Variants in PLIN2 observed in about 807,000 individuals in gnomAD.
The protein encoded by PLIN2 is perilipin-2.
Under a neutral mutation model 30.6 loss-of-function variants are expected in PLIN2, and 33 were observed. The ratio of observed to expected loss-of-function variants is 1.08; its 90% confidence interval spans 0.82 to 1.44. The LOEUF (loss-of-function observed/expected upper bound fraction) is 1.44. PLIN2 is among the 40% of genes most tolerant of loss of function. The pLI, the probability that PLIN2 is intolerant of heterozygous loss-of-function variation, is 0.00. For missense variants in PLIN2, 610 were observed against 531.8 expected (o/e 1.15, Z -1.45); for synonymous variants, 205 against 201.1 (o/e 1.02, Z -0.16).
chr9:19,120,745 A>C lies in PLIN2; in HGVS notation c.595+135T>G, dbSNP rs1354395918. ...GCATGAGGATCTTTTGGGGTAGCAG[A>C]AGTGTTCTGAAACTGGATTGCAGTG... is the stretch of plus-strand genomic sequence containing the variant. On this transcript the variant is annotated intron_variant, in intron 5 of 7. Transcript: ENST00000276914. 10 of 671,692 alleles carry C rather than the reference A, an allele frequency of 1.5e-5. No individual in the cohort carries two copies. In the East Asian group the frequency reaches 2.1e-4, roughly 14 times the overall value. The allele number at this position is 671,692 out of a possible 1,614,324, so 41.6% of individuals were successfully genotyped here.
Position 19,120,878 on chromosome 9 carries a change from A to C in PLIN2, c.595+2T>G, listed in dbSNP as rs200733060. The stretch of plus-strand genomic sequence containing the variant: ...AGTATTTCAAGATAAAATTCCAGTT[A>C]CCTAGTTCTTCCTCAGTGAGAGGGA... On this transcript the variant is annotated splice_donor_variant, in intron 5 of 7. Transcript: ENST00000276914. LOFTEE classifies it high-confidence loss of function. The C allele has an allele frequency of 8.1e-6, 13 of 1,610,314 alleles. No homozygotes were observed. Among genetic ancestry groups the C allele is most frequent in the Middle Eastern group, 3.3e-4 (2 of 6,056 alleles).
Position 19,118,324 on chromosome 9 carries a change from A to C in PLIN2, c.909T>G (p.Ala303=). ...GYDDTDESHC[A]EHIESRTLAI... ...ATGACCGTCCCAGTCATCTTACCTC[A>C]GCACAGTGGGACTCATCAGTATCAT... Residue 303 remains alanine (A), a synonymous_variant, in exon 7 of 8, where the codon GCT becomes GCG. Coordinates refer to ENST00000276914, the MANE Select transcript of PLIN2 (RefSeq NM_001122.4). 1 of 1,606,304 alleles carries C rather than the reference A, an allele frequency of 6.2e-7. No individual in the cohort carries two copies. The highest frequency in any genetic ancestry group is 8.5e-7 in the Non-Finnish European group (1 of 1,177,428).
intron 2 of PLIN2, among the ~76,000 whole-genome samples, chr9:19,109,150 A>G (rs1818127010): frequency 6.6e-6 from 1 of 152,200 alleles, no homozygotes; most frequent in Admixed American, 6.6e-5. Flanking sequence ...ACAAAACCCT[A>G]CCTCTTCCCT....
downstream of PLIN2, among the ~76,000 whole-genome samples, chr9:19,113,512 C>G (rs1198187846): frequency 6.6e-6 from 1 of 151,944 alleles, no homozygotes; most frequent in African/African-American, 2.4e-5. Context: ...TACTCTCCAA[C>G]TCAACTCACC....
chr9:19,120,961 C>T lies in PLIN2; in HGVS notation c.514G>A (p.Val172Met), dbSNP rs373976784. The change falls in exon 5 of 8, where the codon GTG becomes ATG. Residue 172 changes from valine (V) to methionine (M), a missense_variant. Val to Met is a conservative substitution (Grantham distance 21). Coordinates refer to ENST00000276914, the MANE Select transcript of PLIN2 (RefSeq NM_001122.4). The stretch of plus-strand genomic sequence containing the variant: ...AGTGCATTTTCTACGCCACTGCTCA[C>T]GAGCTGCATCATCCGACTCCCCAAG... The part of the protein sequence containing the change: ...TVLGSRMMQL[V>M]SSGVENALTK... 14 of 1,614,046 alleles carry T rather than the reference C, an allele frequency of 8.7e-6. No individual in the cohort carries two copies. Among genetic ancestry groups the T allele is most frequent in the South Asian group, 3.3e-5 (3 of 91,084 alleles).
intron 6 of PLIN2, among the ~76,000 whole-genome samples, chr9:19,119,448 G>A (rs565781117): frequency 6.6e-6 from 1 of 152,318 alleles, no homozygotes; most frequent in Non-Finnish European, 1.5e-5. Flanking sequence ...TGACCCCTCA[G>A]AGCGAGATTA....
In PLIN2 at chr9:19,116,572, G is replaced by A. The variant is rs1818230086; in HGVS notation, c.990C>T (p.Ser330=). 6.2e-7 allele frequency: 1 copy of A among 1,614,158 alleles called. No homozygotes were observed. The highest frequency in any genetic ancestry group is 1.1e-5 in the South Asian group (1 of 91,084). The change falls in exon 8 of 8, where the codon TCC becomes TCT. Residue 330 remains serine (S), a synonymous_variant. Coordinates refer to ENST00000276914, the MANE Select transcript of PLIN2 (RefSeq NM_001122.4). ...TGTTCTGTGGTACACCTTGGATGTT[G>A]GACAGGAGGGTGTGGCACGTGGTCT... The part of the protein sequence containing the change: ...QLQTTCHTLL[S]NIQGVPQNIQ...
chr9:19,120,642 C>T (rs887786525), intron 5 of PLIN2, among the ~76,000 whole-genome samples: 1 of 151,928 alleles, frequency 6.6e-6, no homozygotes, highest in African/African-American at 2.4e-5. Flanking sequence ...CCCAGGAGTT[C>T]GAGATCAGCC....
chr9:19,110,642 ATTTTTGTATT>A (rs1818148973), intron 2 of PLIN2, among the ~76,000 whole-genome samples: 1 of 150,996 alleles, frequency 6.6e-6, no homozygotes, highest in Non-Finnish European at 1.5e-5. Flanking sequence ...CACCCGGCTA[ATTTTTGTATT>A]TTTAGTAGAG....
chr9:19,111,776 C>T (rs139585986), downstream of PLIN2, among the ~76,000 whole-genome samples: 2 of 152,158 alleles, frequency 1.3e-5, no homozygotes, highest in East Asian at 3.9e-4. Flanking sequence ...CAAATTTTAG[C>T]TTTTTCCTTT....
Position 19,121,040 on chromosome 9 carries a change from C to G in PLIN2, c.435G>C (p.Val145=). The change falls in exon 5 of 8, where the codon GTG becomes GTC. Residue 145 remains valine, a synonymous_variant. Coordinates refer to ENST00000276914, the MANE Select transcript of PLIN2 (RefSeq NM_001122.4). ...TGVMDKTKGA[V]TGSVEKTKSV... The stretch of plus-strand genomic sequence containing the variant: ...ACTTGGTCTTCTCCACACTGCCAGT[C>G]ACTGCCCCTTTGGTCTTGTCCATCA... 6.2e-7 allele frequency: 1 copy of G among 1,614,232 alleles called. No homozygotes were observed. Among genetic ancestry groups the G allele is most frequent in the Non-Finnish European group, 8.5e-7 (1 of 1,180,048 alleles).
At chr9:19,113,897 C>G (rs1818188480), downstream of PLIN2, among the ~76,000 whole-genome samples, 1 of 151,928 alleles carries the variant, frequency 6.6e-6, no homozygotes, top group East Asian at 1.9e-4. Context: ...GCCTCAGCCT[C>G]CCGAGGAGCT....
rs556537015 is a variant in PLIN2, at chr9:19,124,891, TAA to T, written c.226+1221_226+1222del. 2.7e-3 allele frequency among the ~76,000 whole-genome samples: 412 copies of T among 152,236 alleles called. 1 individual carries two copies. The highest frequency in any genetic ancestry group is 8.7e-3 in the African/African-American group (362 of 41,558). ...TAGACAGTAAATTACTATTCAACAATAAAAAGAGATGAAGTACTGATATGATG... is the reference window on the plus strand; with the variant it reads ...TAGACAGTAAATTACTATTCAACAATAAAGAGATGAAGTACTGATATGATG... On this transcript the variant is annotated intron_variant, in intron 3 of 7. Transcript: ENST00000276914.
intron 2 of PLIN2, among the ~76,000 whole-genome samples, chr9:19,110,346 G>C (rs1032076503): frequency 2.0e-5 from 3 of 152,016 alleles, no homozygotes; most frequent in Non-Finnish European, 4.4e-5. Flanking sequence ...TTGTTTAATA[G>C]GTACAGAATT....
chr9:19,116,289 T>G lies in PLIN2; in HGVS notation c.1273A>C (p.Ser425Arg), dbSNP rs1333694963. 2 of 1,610,448 alleles carry G rather than the reference T, an allele frequency of 1.2e-6. No individual in the cohort carries two copies. Among genetic ancestry groups the G allele is most frequent in the African/African-American group, 2.7e-5 (2 of 74,826 alleles). Residue 425 changes from serine to arginine, a missense_variant, in exon 8 of 8, where the codon AGC becomes CGC. Physicochemically the swap from Ser to Arg is moderately radical, Grantham distance 110. Coordinates refer to ENST00000276914, the MANE Select transcript of PLIN2 (RefSeq NM_001122.4). The stretch of plus-strand genomic sequence containing the variant: ...TCAGATCGCTGGGTCTCCTGGCTGC[T>G]CTTGTCCATCTCTGCACCTTGGTCC... Reference protein sequence around the residue: ...AQDQGAEMDKSSQETQRSEHK... With the variant: ...AQDQGAEMDKRSQETQRSEHK...
rs960090208 is a variant in PLIN2 at position 19,122,371 on chromosome 9, T to C, written c.309+1194A>G. ...AACTGCCCTATAACAGGTATACTTT[T>C]TTTTTTCACTGTACCTTTTCTAGTT... On this transcript the variant is annotated intron_variant, in intron 4 of 7. Coordinates refer to ENST00000276914, the MANE Select transcript of PLIN2 (RefSeq NM_001122.4). Among the ~76,000 whole-genome samples, 5 of 152,270 alleles carry C rather than the reference T, an allele frequency of 3.3e-5. 1 individual carries two copies. Among genetic ancestry groups the C allele is most frequent in the South Asian group, 2.1e-4 (1 of 4,826 alleles).
Position 19,126,319 on chromosome 9 carries a change from A to G in PLIN2, c.31-10T>C. On this transcript the variant is annotated splice_polypyrimidine_tract_variant and intron_variant, in intron 2 of 7. Transcript: ENST00000276914. ...CCCGAGTCACCACACTCTGCAATCA[A>G]AGTAGGGAGGGTATGCTTATTAATC... 1 of 1,613,652 alleles carries G rather than the reference A, an allele frequency of 6.2e-7. No individual in the cohort carries two copies. Among genetic ancestry groups the G allele is most frequent in the Non-Finnish European group, 8.5e-7 (1 of 1,179,572 alleles).
intron 1 of PLIN2, 117 bp from the exon 2 acceptor site, chr9:19,126,565 C>T: frequency 1.5e-6 from 1 of 680,902 alleles, no homozygotes; most frequent in East Asian, 2.6e-5. Context: ...TCCCTGTAGT[C>T]TTCTGCACTT....
chr9:19,122,353 C>G (rs1182877929), intron 4 of PLIN2, among the ~76,000 whole-genome samples: 1 of 152,008 alleles, frequency 6.6e-6, no homozygotes, highest in Non-Finnish European at 1.5e-5. Context: ...ATGAACTGCC[C>G]TATAACAGGT....
Sources: allele counts gnomAD v4.1 joint callset (sites outside exome capture counted in the v4.1 genomes callset), GRCh38; gene constraint gnomAD v4.1.1; transcripts MANE v1.5; gene names NCBI Gene and HGNC (gene_info 2026-07-23, HGNC 2026-07-21).